CLNK: variants seen among roughly 807,000 people sequenced by gnomAD.
CLNK encodes cytokine dependent hematopoietic cell linker.
A neutral mutation model predicts 68.6 loss-of-function variants in CLNK; 74 were observed. That is an observed-to-expected ratio of 1.08 (90% CI 0.89 to 1.31). The LOEUF (loss-of-function observed/expected upper bound fraction) is 1.31, where lower values mean the gene tolerates loss of function less well. Among genes scored for constraint, CLNK ranks in the 50% most tolerant of loss-of-function variants. The probability of loss-of-function intolerance (pLI) is 0.00; values close to 1 mark genes in which losing one functional copy is unlikely to be tolerated. For synonymous variants in CLNK, 198 were observed against 172.2 expected (o/e 1.15, Z -1.17); for missense variants, 553 against 515.3 (o/e 1.07, Z -0.71).
At chr4:10,728,132 T>C in the CLNK span, among the ~76,000 whole-genome samples, 4 of 152,308 alleles carry the variant, frequency 2.6e-5, no homozygotes, top group South Asian at 8.3e-4. Context: ...GGGCTACTGC[T>C]GAACATCCTA....
At chr4:10,728,760 G>GT in the CLNK span, among the ~76,000 whole-genome samples, 135 of 151,076 alleles carry the variant, frequency 8.9e-4, no homozygotes, top group East Asian at 2.1e-3. Context: ...GGCTAATTTT[G>GT]TTTTTTTTGT....
chr4:10,711,973 G>A, the CLNK span, among the ~76,000 whole-genome samples: 1,633 of 152,170 alleles, frequency 0.011, 35 homozygotes, highest in African/African-American at 0.037. Flanking sequence ...CTGGGGCACC[G>A]GGAGACAATG....
the CLNK span, among the ~76,000 whole-genome samples, chr4:10,706,286 T>C: frequency 6.6e-6 from 1 of 152,306 alleles, no homozygotes; most frequent in Admixed American, 6.5e-5. Flanking sequence ...CCCGTGTCCT[T>C]CCAAGGGCTG....
intron 2 of CLNK, among the ~76,000 whole-genome samples, chr4:10,605,550 G>T (rs1241402554): frequency 6.6e-6 from 1 of 152,100 alleles, no homozygotes; most frequent in Non-Finnish European, 1.5e-5. Context: ...ACCTGGGTGG[G>T]GCACGGTGGC....
chr4:10,638,661 C>T (rs181296867), intron 2 of CLNK, among the ~76,000 whole-genome samples: 122 of 152,238 alleles, frequency 8.0e-4, no homozygotes, highest in Non-Finnish European at 1.6e-3. Flanking sequence ...TAGAGTTGCC[C>T]ACCTGTGTTT....
intron 3 of CLNK, among the ~76,000 whole-genome samples, chr4:10,589,353 C>T (rs1001967447): frequency 9.2e-5 from 14 of 152,188 alleles, no homozygotes; most frequent in African/African-American, 3.1e-4. Flanking sequence ...GCAGAGTTCT[C>T]TTGTCTGGGA....
At chr4:10,562,967 A>C (rs1719958940) in intron 7 of CLNK, among the ~76,000 whole-genome samples, 1 of 152,198 alleles carries the variant, frequency 6.6e-6, no homozygotes, top group Admixed American at 6.5e-5. Context: ...CCGATGACAT[A>C]GTTCTTGAAT....
chr4:10,559,807 T>A (rs151148183), intron 7 of CLNK, among the ~76,000 whole-genome samples: 1 of 152,302 alleles, frequency 6.6e-6, no homozygotes, highest in East Asian at 1.9e-4. Flanking sequence ...TGCTAGATTA[T>A]GAGGGAACAA....
intron 2 of CLNK, among the ~76,000 whole-genome samples, chr4:10,654,405 A>ATATATATATATAT (rs1367370247): frequency 1.2e-4 from 14 of 117,014 alleles, no homozygotes; most frequent in Non-Finnish European, 1.6e-4. Flanking sequence ...ATATATATAG[A>ATATATATATATAT]AAGTCTCTTG....
chr4:10,611,417 G>C (rs1463712456), intron 2 of CLNK, among the ~76,000 whole-genome samples: 1 of 151,362 alleles, frequency 6.6e-6, no homozygotes, highest in East Asian at 2.0e-4. Flanking sequence ...AGAATCATCT[G>C]AACCTGGGAG....
chr4:10,709,243 T>A, the CLNK span, among the ~76,000 whole-genome samples: 20 of 152,208 alleles, frequency 1.3e-4, no homozygotes, highest in Admixed American at 1.3e-3. Context: ...ACATAGACTA[T>A]CTATAAATTT....
At chr4:10,652,665 C>G (rs142527452) in intron 2 of CLNK, among the ~76,000 whole-genome samples, 2 of 152,080 alleles carry the variant, frequency 1.3e-5, no homozygotes, top group African/African-American at 4.8e-5. Context: ...TTTGAAAATC[C>G]TGTTTCAATC....
At chr4:10,599,339 T>C (rs7658252) in intron 2 of CLNK, among the ~76,000 whole-genome samples, 6,413 of 152,294 alleles carry the variant, frequency 0.042, 170 homozygotes, top group Middle Eastern at 0.075. Flanking sequence ...GAATAGAACA[T>C]AATAAATTTA....
At chr4:10,566,196 T>C in intron 5 of CLNK, 46 bp from the exon 6 acceptor site, 1 of 1,602,070 alleles carries the variant, frequency 6.2e-7, no homozygotes, top group Non-Finnish European at 8.5e-7. Flanking sequence ...AGGTACAATG[T>C]TGACAAAGAC....
At chr4:10,507,639 T>C (rs1181006781) in intron 17 of CLNK, among the ~76,000 whole-genome samples, 1 of 151,668 alleles carries the variant, frequency 6.6e-6, no homozygotes, top group African/African-American at 2.4e-5. Context: ...AATTTTATTT[T>C]TTATTTTTTA....
chr4:10,565,497 T>C (rs573730290), intron 6 of CLNK, among the ~76,000 whole-genome samples: 1 of 152,308 alleles, frequency 6.6e-6, no homozygotes, highest in Non-Finnish European at 1.5e-5. Context: ...GTCCTCTTAT[T>C]CTTAACAATT....
chr4:10,611,961 C>G (rs1272857908), intron 2 of CLNK, among the ~76,000 whole-genome samples: 2 of 152,174 alleles, frequency 1.3e-5, no homozygotes, highest in African/African-American at 4.8e-5. Flanking sequence ...CGATTCTGCC[C>G]CCAAAGAGCA....
chr4:10,541,718 C>T (rs1719037267), intron 10 of CLNK, among the ~76,000 whole-genome samples: 1 of 151,892 alleles, frequency 6.6e-6, no homozygotes. Flanking sequence ...CAGCAGATTT[C>T]TGTACTGAAA....
At chr4:10,722,110 G>T in the CLNK span, among the ~76,000 whole-genome samples, 3 of 152,150 alleles carry the variant, frequency 2.0e-5, no homozygotes, top group Non-Finnish European at 2.9e-5. Context: ...GGAAATGGAG[G>T]TTGCAGTGAG....
Sources: allele counts gnomAD v4.1 joint callset (sites outside exome capture counted in the v4.1 genomes callset), GRCh38; gene constraint gnomAD v4.1.1; transcripts MANE v1.5; gene names NCBI Gene and HGNC (gene_info 2026-07-23, HGNC 2026-07-21).